PRR5L: variants seen among roughly 807,000 people sequenced by gnomAD.
PRR5L encodes the protein proline rich 5 like.
A neutral mutation model predicts 36.4 loss-of-function variants in PRR5L; 21 were observed. The observed-to-expected ratio is 0.58, with a 90% CI of 0.41 to 0.83. The LOEUF (loss-of-function observed/expected upper bound fraction) is 0.83. Among genes scored for constraint, PRR5L ranks in the 40% least tolerant of loss-of-function variants. The probability of loss-of-function intolerance (pLI) is 0.00; values close to 1 mark genes in which losing one functional copy is unlikely to be tolerated. For synonymous variants in PRR5L, 188 were observed against 197.0 expected, an observed-to-expected ratio of 0.95 and a Z score of 0.38; for missense variants, 381 against 473.3, an observed-to-expected ratio of 0.80 and a Z score of 1.81.
At chr11:36,403,463 G>T (rs1267819086) in intron 3 of PRR5L, 85 bp downstream of exon 3, 59 of 650,156 alleles carry the variant, frequency 9.1e-5, no homozygotes, top group South Asian at 1.4e-4. Context: ...AGCCTTAAGG[G>T]TTTTTTTTTT....
intron 1 of PRR5L, among the ~76,000 whole-genome samples, chr11:36,345,228 C>A (rs564130491): frequency 6.6e-6 from 1 of 151,992 alleles, no homozygotes; most frequent in Non-Finnish European, 1.5e-5. Flanking sequence ...GAAGGGGGCA[C>A]GTGACTGCCA....
intron 1 of PRR5L, among the ~76,000 whole-genome samples, chr11:36,384,836 C>CTT (rs370922452): frequency 3.0e-5 from 4 of 133,534 alleles, no homozygotes; most frequent in African/African-American, 8.3e-5. Flanking sequence ...CCATGCCTGG[C>CTT]TTTTTTTTTT....
chr11:36,377,554 C>G lies in PRR5L; in HGVS notation c.-125-23443C>G, dbSNP rs764371240. ...TTGAGGCCGCCGCCCGGGGTGGGAC[C>G]AGGCTGTGTGCTTGCTAACTGTGCT... On this transcript the variant is annotated intron_variant, in intron 1 of 8. Transcript: ENST00000530639. The surrounding 1 kb of genome is among the most constrained non-coding windows in gnomAD (Gnocchi z 5.1). 2.6e-5 allele frequency: 4 copies of G among 152,544 alleles called. No homozygotes were observed. Among genetic ancestry groups the G allele is most frequent in the Non-Finnish European group, 4.4e-5 (3 of 68,326 alleles). The allele number at this position is 152,544 out of a possible 1,614,324, so 9.4% of individuals were successfully genotyped here.
In PRR5L at chr11:36,313,049, G is replaced by T. The variant is rs144929484; in HGVS notation, c.-126+16611G>T. Among the ~76,000 whole-genome samples, 470 of 152,356 alleles carry T rather than the reference G, an allele frequency of 3.1e-3. 4 individuals carry two copies. The highest frequency in any genetic ancestry group is 4.2e-3 in the Non-Finnish European group (286 of 68,032). On this transcript the variant is annotated intron_variant, in intron 1 of 8. Coordinates refer to ENST00000530639, the MANE Select transcript of PRR5L (RefSeq NM_001160167.2). ...CAATGCCAGATGTCAGTGTGCAGCT[G>T]TGTTCACAGAACATCCTATCAATGT...
Position 36,341,600 on chromosome 11 carries a change from A to G in PRR5L, c.-126+45162A>G, listed in dbSNP as rs1000033104. The stretch of plus-strand genomic sequence containing the variant: ...GACCACCCACAGCTCTGGAGCTCCC[A>G]ATTCTGAATCTGGCCAAGTGACCAT... On this transcript the variant is annotated intron_variant, in intron 1 of 8. Coordinates refer to ENST00000530639, the MANE Select transcript of PRR5L (RefSeq NM_001160167.2). 1.6e-4 allele frequency among the ~76,000 whole-genome samples: 24 copies of G among 152,316 alleles called. No individual in the cohort carries two copies. The East Asian group carries it at 4.0e-3, about 26-fold the overall frequency.
intron 2 of PRR5L, among the ~76,000 whole-genome samples, chr11:36,402,860 A>T (rs1337005183): frequency 6.6e-6 from 1 of 152,216 alleles, no homozygotes; most frequent in African/African-American, 2.4e-5. Context: ...TGCTGTTAAA[A>T]AGGAAAGGAC....
At position 36,371,626 on chromosome 11, in the gene PRR5L, T is replaced by G. The variant is rs1383933385; in HGVS notation, c.-125-29371T>G. On this transcript the variant is annotated intron_variant, in intron 1 of 8. Transcript: ENST00000530639. Reference sequence around the variant, plus strand: ...AGGAGAAAACTTATGGGAGGATATATGTTTTTCTTCATTGGAATACTTTTA... The same window carrying G: ...AGGAGAAAACTTATGGGAGGATATAGGTTTTTCTTCATTGGAATACTTTTA... 2.0e-5 allele frequency among the ~76,000 whole-genome samples: 3 copies of G among 152,236 alleles called. No individual in the cohort carries two copies. In the East Asian group the frequency reaches 5.8e-4, roughly 29 times the overall value.
chr11:36,419,421 A>C, intron 4 of PRR5L, 118 bp downstream of exon 4: 246 of 878,368 alleles, frequency 2.8e-4, no homozygotes, highest in Non-Finnish European at 4.4e-4. Context: ...TACGTATCTC[A>C]AGTCCCTGCT....
At chr11:36,310,461 A>C (rs1022256065) in intron 1 of PRR5L, among the ~76,000 whole-genome samples, 4 of 149,736 alleles carry the variant, frequency 2.7e-5, no homozygotes, top group African/African-American at 1.0e-4. Flanking sequence ...CCCTGAGACA[A>C]GGATACAAAT....
At chr11:36,372,976 TTGTGTGTG>T (rs36076560) in intron 1 of PRR5L, among the ~76,000 whole-genome samples, 9,439 of 146,732 alleles carry the variant, frequency 0.064, 429 homozygotes, top group African/African-American at 0.13. Context: ...TGCCTAATAG[TTGTGTGTG>T]TGTGTGTGTG....
intron 8 of PRR5L, among the ~76,000 whole-genome samples, chr11:36,460,968 T>C (rs1025585232): frequency 6.6e-6 from 1 of 152,244 alleles, no homozygotes; most frequent in South Asian, 2.1e-4. Context: ...CCATCTCCAG[T>C]GTACATCCTC....
At chr11:36,380,841 TA>T (rs1210910359) in intron 1 of PRR5L, among the ~76,000 whole-genome samples, 1 of 152,172 alleles carries the variant, frequency 6.6e-6, no homozygotes, top group Non-Finnish European at 1.5e-5. Flanking sequence ...TGGAGCAGGA[TA>T]ATAAATGACA....
intron 8 of PRR5L, among the ~76,000 whole-genome samples, chr11:36,459,918 T>C (rs1337417164): frequency 6.6e-6 from 1 of 152,224 alleles, no homozygotes; most frequent in Non-Finnish European, 1.5e-5. Context: ...TGATTTTTCA[T>C]ATCCTAAAAT....
At chr11:36,318,290 T>C (rs989685168) in intron 1 of PRR5L, among the ~76,000 whole-genome samples, 8 of 152,232 alleles carry the variant, frequency 5.3e-5, no homozygotes, top group Non-Finnish European at 8.8e-5. Flanking sequence ...AGTGCCTGAC[T>C]AGGGTTCTAT....
At chr11:36,417,367 T>C (rs75234251) in intron 3 of PRR5L, among the ~76,000 whole-genome samples, 13,286 of 152,266 alleles carry the variant, frequency 0.087, 657 homozygotes, top group African/African-American at 0.15. Flanking sequence ...CTCCGTCCAC[T>C]TGGGGCTGCC....
intron 1 of PRR5L, among the ~76,000 whole-genome samples, chr11:36,373,598 T>TAA (rs560773054): frequency 2.1e-4 from 29 of 136,472 alleles, no homozygotes; most frequent in Middle Eastern, 3.7e-3. Flanking sequence ...GACTCTGTTT[T>TAA]AAAAAAAAAA....
chr11:36,355,533 C>T (rs950145168), intron 1 of PRR5L, among the ~76,000 whole-genome samples: 1 of 150,280 alleles, frequency 6.7e-6, no homozygotes, highest in Non-Finnish European at 1.5e-5. Flanking sequence ...AGAGCCCATG[C>T]TCTGCTTTGC....
intron 1 of PRR5L, among the ~76,000 whole-genome samples, chr11:36,318,693 G>T (rs1288520616): frequency 6.6e-6 from 1 of 152,188 alleles, no homozygotes; most frequent in Admixed American, 6.5e-5. Context: ...CAGGGGAAAG[G>T]TTAGGTAGTG....
intron 1 of PRR5L, chr11:36,376,105 ATTT>A: frequency 2.0e-6 from 2 of 1,005,248 alleles, no homozygotes; most frequent in Non-Finnish European, 2.7e-6. Context: ...CTCCTCGGCA[ATTT>A]TTTTTTTTTA....
Sources: gnomAD v4.1 joint callset for allele counts (sites outside exome capture counted in the v4.1 genomes callset) on GRCh38, gnomAD v4.1.1 for gene constraint, Gnocchi (gnomAD v3.1) non-coding constraint, MANE v1.5 for transcripts, NCBI Gene and HGNC (gene_info 2026-07-23, HGNC 2026-07-21) for gene names.